The following LCORL variants were observed in gnomAD, a reference collection of about 807,000 sequenced individuals.
LCORL encodes the protein ligand dependent nuclear receptor corepressor like, also known as ligand-dependent nuclear receptor corepressor-like protein.
A neutral mutation model predicts 141.8 loss-of-function variants in LCORL; 41 were observed. The ratio of observed to expected loss-of-function variants is 0.29; its 90% CI spans 0.23 to 0.38. The LOEUF (loss-of-function observed/expected upper bound fraction) is 0.38, where lower values mean the gene tolerates loss of function less well. Ranked by LOEUF, LCORL falls within the 10% of genes least tolerant of loss-of-function variation. The pLI is 1.00. For synonymous variants in LCORL, 618 were observed against 694.1 expected (o/e 0.89, Z 1.72); for missense variants, 1,759 against 2,035.0 (o/e 0.86, Z 2.61).
intron 4 of LCORL, among the ~76,000 whole-genome samples, chr4:17,945,450 A>G (rs928016521): frequency 2.6e-5 from 4 of 151,958 alleles, no homozygotes; most frequent in Middle Eastern, 3.4e-3. Context: ...CAATACAACT[A>G]GAATATATGG....
At chr4:17,880,134 A>G (rs560725000) in intron 6 of LCORL, among the ~76,000 whole-genome samples, 17 of 151,142 alleles carry the variant, frequency 1.1e-4, no homozygotes, top group South Asian at 2.1e-4. Flanking sequence ...ATCTAATGCT[A>G]TAAGAACAGC....
At position 17,868,147 on chromosome 4, in the gene LCORL, G is replaced by A. The variant is rs1294199199; in HGVS notation, c.5602+5241C>T. Reference sequence around the variant, plus strand: ...TAAAATGCTCATAAGCAAGATCAGAGGAGTATGTATGGTTAGTCTTGGTTT... The same window carrying A: ...TAAAATGCTCATAAGCAAGATCAGAAGAGTATGTATGGTTAGTCTTGGTTT... On this transcript the variant is annotated intron_variant, in intron 7 of 7. Transcript: ENST00000635767. 2.0e-5 allele frequency among the ~76,000 whole-genome samples: 3 copies of A among 152,238 alleles called. No individual in the cohort carries two copies. In the East Asian group the frequency reaches 5.8e-4, roughly 29 times the overall value.
chr4:17,895,732 A>G (rs1465652482), intron 5 of LCORL, among the ~76,000 whole-genome samples: 2 of 152,206 alleles, frequency 1.3e-5, no homozygotes, highest in African/African-American at 4.8e-5. Context: ...GCCTTTGGCA[A>G]CCAGTAATCT....
Position 17,925,788 on chromosome 4 carries a change from T to C in LCORL, c.431-16443A>G, listed in dbSNP as rs964059300. Among the ~76,000 whole-genome samples, 6 of 150,144 alleles carry C rather than the reference T, an allele frequency of 4.0e-5. No individual in the cohort carries two copies. In the South Asian group the frequency reaches 6.3e-4, roughly 16 times the overall value. ...CGGGAGGCTGAGGCAGGAGAAACGT[T>C]TGAACCTGGGAGGTGGAGGTTGCAG... On this transcript the variant is annotated intron_variant, in intron 4 of 7. Transcript: ENST00000635767.
intron 4 of LCORL, among the ~76,000 whole-genome samples, chr4:17,919,048 A>G (rs1489590103): frequency 1.3e-5 from 2 of 152,134 alleles, no homozygotes; most frequent in South Asian, 2.1e-4. Context: ...ATTTTCTAAA[A>G]CCAGAAATGA....
intron 7 of LCORL, among the ~76,000 whole-genome samples, chr4:17,861,833 G>A (rs1252713949): frequency 1.3e-5 from 2 of 152,108 alleles, no homozygotes; most frequent in Non-Finnish European, 2.9e-5. Flanking sequence ...TCTAGGGCAG[G>A]GGCAAAATGT....
intron 2 of LCORL, among the ~76,000 whole-genome samples, chr4:17,966,440 A>G (rs2109629512): frequency 6.6e-6 from 1 of 152,262 alleles, no homozygotes; most frequent in African/African-American, 2.4e-5. Flanking sequence ...GACACAAACT[A>G]CCAAATCTCA....
At chr4:17,920,925 G>A (rs1166229453) in intron 4 of LCORL, among the ~76,000 whole-genome samples, 2 of 152,174 alleles carry the variant, frequency 1.3e-5, no homozygotes, top group African/African-American at 4.8e-5. Flanking sequence ...AGTCCTCAAT[G>A]TTATCTATGA....
intron 7 of LCORL, among the ~76,000 whole-genome samples, chr4:17,864,998 C>T (rs533786560): frequency 3.3e-5 from 5 of 152,216 alleles, no homozygotes; most frequent in East Asian, 1.9e-4. Flanking sequence ...CTTCAAAATA[C>T]GTGAAGCAAA....
intron 1 of LCORL, among the ~76,000 whole-genome samples, chr4:17,992,342 G>T (rs1323990058): frequency 6.6e-6 from 1 of 152,192 alleles, no homozygotes; most frequent in Non-Finnish European, 1.5e-5. Flanking sequence ...CCGCCCCCAT[G>T]ATCTAATCAC....
chr4:18,015,091 C>T (rs1220864207), intron 1 of LCORL, among the ~76,000 whole-genome samples: 1 of 152,176 alleles, frequency 6.6e-6, no homozygotes, highest in Non-Finnish European at 1.5e-5. Context: ...TAAAAAGTTA[C>T]ATAACATAAC....
At chr4:17,976,652 T>C (rs746986451) in intron 1 of LCORL, among the ~76,000 whole-genome samples, 1 of 152,190 alleles carries the variant, frequency 6.6e-6, no homozygotes, top group Non-Finnish European at 1.5e-5. Context: ...TTTGTGTTTG[T>C]AGACCTATGC....
chr4:17,938,287 A>G (rs970624916), intron 4 of LCORL, among the ~76,000 whole-genome samples: 9 of 151,758 alleles, frequency 5.9e-5, no homozygotes, highest in Non-Finnish European at 1.3e-4. Context: ...GATTACAGGC[A>G]TGAGCCACCA....
chr4:17,847,379 A>G (rs535702651), intron 7 of LCORL, among the ~76,000 whole-genome samples: 1 of 152,238 alleles, frequency 6.6e-6, no homozygotes, highest in East Asian at 1.9e-4. Flanking sequence ...TGCAACCTCA[A>G]CCAACCAACT....
chr4:17,891,737 T>C (rs1319166155), intron 5 of LCORL, among the ~76,000 whole-genome samples: 1 of 152,200 alleles, frequency 6.6e-6, no homozygotes. Flanking sequence ...ACAGATGATG[T>C]AAATATGTTT....
intron 7 of LCORL, among the ~76,000 whole-genome samples, chr4:17,862,308 T>C (rs769665973): frequency 5.3e-5 from 8 of 152,222 alleles, no homozygotes; most frequent in Non-Finnish European, 8.8e-5. Context: ...AGAGAGCTTG[T>C]GCAGGAAAAC....
chr4:17,956,367 C>T (rs1483646998), intron 4 of LCORL, among the ~76,000 whole-genome samples: 2 of 152,046 alleles, frequency 1.3e-5, no homozygotes, highest in Non-Finnish European at 2.9e-5. Context: ...CCCATGTTTA[C>T]TGCAGTACTA....
intron 1 of LCORL, among the ~76,000 whole-genome samples, chr4:18,014,410 G>A (rs905783898): frequency 6.6e-6 from 1 of 151,958 alleles, no homozygotes; most frequent in Non-Finnish European, 1.5e-5. Context: ...CAGACTGAAA[G>A]ACAGTAAAAC....
intron 1 of LCORL, among the ~76,000 whole-genome samples, chr4:18,008,637 G>C (rs947169769): frequency 6.6e-6 from 1 of 152,110 alleles, no homozygotes; most frequent in Non-Finnish European, 1.5e-5. Context: ...GATAAAAATT[G>C]TACTATTTCA....
Sources: allele counts gnomAD v4.1 joint callset (sites outside exome capture counted in the v4.1 genomes callset), GRCh38; gene constraint gnomAD v4.1.1; transcripts MANE v1.5; gene names NCBI Gene and HGNC (gene_info 2026-07-23, HGNC 2026-07-21).